Variants in ADCY8 observed in about 807,000 individuals in gnomAD.
The protein encoded by ADCY8 is adenylate cyclase type 8.
Under a neutral mutation model 119.7 loss-of-function variants are expected in ADCY8, and 51 were observed. The ratio of observed to expected loss-of-function variants is 0.43; its 90% confidence interval spans 0.34 to 0.54. The LOEUF is 0.54. Ranked by LOEUF, ADCY8 falls within the 20% of genes least tolerant of loss-of-function variation. The pLI, the probability that ADCY8 is intolerant of heterozygous loss-of-function variation, is 0.03. For synonymous variants in ADCY8, 665 were observed against 651.0 expected (o/e 1.02, Z -0.33); for missense variants, 1,383 against 1,598.8 (o/e 0.87, Z 2.30).
chr8:130,945,901 C>A (rs1821092670), intron 3 of ADCY8, among the ~76,000 whole-genome samples: 1 of 152,220 alleles, frequency 6.6e-6, no homozygotes, highest in South Asian at 2.1e-4. Context: ...TCATGTTCTT[C>A]TCCATTTTAT....
At chr8:130,950,261 G>C (rs937901829) in intron 3 of ADCY8, among the ~76,000 whole-genome samples, 1 of 152,214 alleles carries the variant, frequency 6.6e-6, no homozygotes, top group Non-Finnish European at 1.5e-5. Flanking sequence ...AAATGCCAGA[G>C]ACTTGCTTTC....
At chr8:130,929,347 G>A (rs2130605447) in intron 5 of ADCY8, among the ~76,000 whole-genome samples, 1 of 151,996 alleles carries the variant, frequency 6.6e-6, no homozygotes, top group East Asian at 1.9e-4. Context: ...TTCCAATTTT[G>A]TCTCAAGAAA....
intron 9 of ADCY8, among the ~76,000 whole-genome samples, chr8:130,861,743 T>C (rs1040259888): frequency 5.3e-5 from 8 of 152,128 alleles, no homozygotes; most frequent in Non-Finnish European, 7.4e-5. Flanking sequence ...TGTATTTTTG[T>C]TTTGTTTCTG....
At chr8:130,910,692 T>A (rs913657556) in intron 5 of ADCY8, among the ~76,000 whole-genome samples, 2 of 152,288 alleles carry the variant, frequency 1.3e-5, no homozygotes, top group South Asian at 4.1e-4. Context: ...TTTACCAACA[T>A]TTGATATATA....
intron 7 of ADCY8, among the ~76,000 whole-genome samples, chr8:130,898,725 A>T (rs1819493664): frequency 6.6e-6 from 1 of 152,236 alleles, no homozygotes; most frequent in Non-Finnish European, 1.5e-5. Context: ...TTCTCTTGGC[A>T]TATCACTTGT....
At chr8:130,842,897 T>G (rs1817190764) in intron 11 of ADCY8, among the ~76,000 whole-genome samples, 1 of 150,168 alleles carries the variant, frequency 6.7e-6, no homozygotes, top group Non-Finnish European at 1.5e-5. Context: ...AAAAGTTAAT[T>G]CAAATATACT....
At chr8:130,983,282 C>CTA (rs1303220064) in intron 2 of ADCY8, among the ~76,000 whole-genome samples, 14 of 152,158 alleles carry the variant, frequency 9.2e-5, no homozygotes, top group African/African-American at 2.7e-4. Context: ...ATAAATGCAG[C>CTA]CACTGTAAAT....
At chr8:130,798,959 A>G (rs1815678479) in intron 15 of ADCY8, among the ~76,000 whole-genome samples, 1 of 152,152 alleles carries the variant, frequency 6.6e-6, no homozygotes, top group Non-Finnish European at 1.5e-5. Flanking sequence ...TTCAGCCACA[A>G]AAAGAAGGAA....
Position 130,903,755 on chromosome 8 carries a change from A to C in ADCY8, c.1911+17T>G. 2 of 1,610,620 alleles carry C rather than the reference A, an allele frequency of 1.2e-6. No individual in the cohort carries two copies. The highest frequency in any genetic ancestry group is 1.7e-6 in the Non-Finnish European group (2 of 1,179,048). On this transcript the variant is annotated intron_variant, in intron 7 of 17. Coordinates refer to ENST00000286355, the MANE Select transcript of ADCY8 (RefSeq NM_001115.3). ...CATGCATTCATGGCCAAGCAGAAGG[A>C]GGAAGAGAGGACTTACATTCTGTTT...
At chr8:130,961,896 G>A (rs983528407) in intron 2 of ADCY8, among the ~76,000 whole-genome samples, 1 of 152,128 alleles carries the variant, frequency 6.6e-6, no homozygotes, top group African/African-American at 2.4e-5. Context: ...GATCATTTGA[G>A]CCCAGGAGTT....
chr8:130,883,285 G>A (rs1653883603), intron 8 of ADCY8, among the ~76,000 whole-genome samples: 1 of 152,192 alleles, frequency 6.6e-6, no homozygotes, highest in Non-Finnish European at 1.5e-5. Context: ...CTTCTTCAAT[G>A]CAGTAACCGG....
At chr8:130,858,210 A>G (rs527254609) in intron 9 of ADCY8, among the ~76,000 whole-genome samples, 1 of 152,316 alleles carries the variant, frequency 6.6e-6, no homozygotes, top group South Asian at 2.1e-4. Flanking sequence ...CTTCAAGACC[A>G]TAATCTAGCC....
At chr8:131,019,656 C>T (rs183253956) in intron 1 of ADCY8, among the ~76,000 whole-genome samples, 1 of 152,280 alleles carries the variant, frequency 6.6e-6, no homozygotes, top group East Asian at 1.9e-4. Context: ...TGGGTATTCT[C>T]ATTTATACAT....
chr8:131,009,193 C>A (rs946649519), intron 1 of ADCY8, among the ~76,000 whole-genome samples: 2 of 152,200 alleles, frequency 1.3e-5, no homozygotes, highest in African/African-American at 4.8e-5. Context: ...ACCTTCACAG[C>A]AGCCTCCCTA....
intron 10 of ADCY8, among the ~76,000 whole-genome samples, chr8:130,849,165 G>A (rs970820802): frequency 6.6e-6 from 1 of 152,126 alleles, no homozygotes; most frequent in African/African-American, 2.4e-5. Flanking sequence ...TCATGTCTCT[G>A]AGCCTCAGTT....
intron 2 of ADCY8, among the ~76,000 whole-genome samples, chr8:130,977,586 C>A (rs530292036): frequency 6.6e-6 from 1 of 152,202 alleles, no homozygotes; most frequent in Non-Finnish European, 1.5e-5. Flanking sequence ...ATGGACTACA[C>A]CACTGCCAGT....
In ADCY8 at chr8:130,974,361, G is replaced by A. The variant is rs184305996; in HGVS notation, c.1110+16032C>T. 2.1e-3 allele frequency among the ~76,000 whole-genome samples: 318 copies of A among 152,266 alleles called. 1 individual carries two copies. The highest frequency in any genetic ancestry group is 3.5e-3 in the Non-Finnish European group (237 of 68,014). ...GATCCAGCTGGAATGGGGCATAAAG[G>A]ACTGTGGTGGGCATGGTAGCCAAGA... is the stretch of plus-strand genomic sequence containing the variant. On this transcript the variant is annotated intron_variant, in intron 2 of 17. Transcript: ENST00000286355.
intron 14 of ADCY8, among the ~76,000 whole-genome samples, chr8:130,801,899 C>CT (rs34853195): frequency 0.064 from 6,253 of 97,728 alleles, 448 homozygotes; most frequent in African/African-American, 0.14. Flanking sequence ...TTGAGAATGC[C>CT]TTTTTTTTTT....
At chr8:130,813,030 C>T (rs1439106201) in intron 14 of ADCY8, among the ~76,000 whole-genome samples, 1 of 151,514 alleles carries the variant, frequency 6.6e-6, no homozygotes, top group Non-Finnish European at 1.5e-5. Flanking sequence ...TCACTGCAAC[C>T]TCTGCCCCCC....
Sources: allele counts gnomAD v4.1 joint callset (sites outside exome capture counted in the v4.1 genomes callset), GRCh38; gene constraint gnomAD v4.1.1; transcripts MANE v1.5; gene names NCBI Gene and HGNC (gene_info 2026-07-23, HGNC 2026-07-21).